SHISA9: variants seen among roughly 807,000 people sequenced by gnomAD.
SHISA9 encodes the protein shisa family member 9, also known as protein shisa-9.
A neutral mutation model predicts 38.0 loss-of-function variants in SHISA9; 13 were observed. That is an observed-to-expected ratio of 0.34 (90% CI 0.22 to 0.54). The LOEUF (loss-of-function observed/expected upper bound fraction) is 0.54, where lower values mean the gene tolerates loss of function less well. SHISA9 is among the 20% of genes least tolerant of loss of function. The probability of loss-of-function intolerance (pLI) is 0.91; values close to 1 mark genes in which losing one functional copy is unlikely to be tolerated. For synonymous variants in SHISA9, 275 were observed against 242.0 expected, an observed-to-expected ratio of 1.14 and a Z score of -1.27; for missense variants, 538 against 575.8, an observed-to-expected ratio of 0.93 and a Z score of 0.67.
At chr16:13,340,682 C>A in the SHISA9 span, among the ~76,000 whole-genome samples, 2 of 152,202 alleles carry the variant, frequency 1.3e-5, no homozygotes, top group Non-Finnish European at 2.9e-5. Context: ...CTGTGGCTCC[C>A]TATTGCTCTT....
the SHISA9 span, among the ~76,000 whole-genome samples, chr16:13,388,310 A>ATTTT: frequency 3.1e-4 from 44 of 140,338 alleles, no homozygotes; most frequent in African/African-American, 7.1e-4. Flanking sequence ...AATTTGGGGA[A>ATTTT]TTTTTTTTTT....
chr16:13,175,201 T>G (rs2050721069), intron 2 of SHISA9, among the ~76,000 whole-genome samples: 1 of 147,536 alleles, frequency 6.8e-6, no homozygotes, highest in African/African-American at 2.5e-5. Context: ...ACCCCGTCTC[T>G]CCAAAAAAAA....
intron 4 of SHISA9, among the ~76,000 whole-genome samples, chr16:13,215,084 G>C (rs950032102): frequency 1.3e-5 from 2 of 152,176 alleles, no homozygotes; most frequent in Non-Finnish European, 2.9e-5. Context: ...GAGGTGGGTA[G>C]AGGATGGAGA....
At chr16:12,938,961 T>C (rs77307580) in intron 2 of SHISA9, among the ~76,000 whole-genome samples, 2 of 152,196 alleles carry the variant, frequency 1.3e-5, no homozygotes, top group African/African-American at 2.4e-5. Flanking sequence ...ATGTTCCAAG[T>C]AAGCATTGAG....
chr16:13,234,633 T>C (rs1201446978), intron 4 of SHISA9, among the ~76,000 whole-genome samples: 2 of 152,196 alleles, frequency 1.3e-5, no homozygotes, highest in Non-Finnish European at 2.9e-5. Flanking sequence ...TGGTAGGTCA[T>C]AGATAGGAAG....
intron 2 of SHISA9, among the ~76,000 whole-genome samples, chr16:13,114,299 C>T (rs897470638): frequency 2.0e-5 from 3 of 151,364 alleles, no homozygotes; most frequent in Non-Finnish European, 4.4e-5. Context: ...ACCCCATCTC[C>T]ACTAAAAATA....
the SHISA9 span, among the ~76,000 whole-genome samples, chr16:13,401,667 G>T: frequency 5.9e-5 from 9 of 152,308 alleles, no homozygotes; most frequent in African/African-American, 2.2e-4. Context: ...CCATCTACAA[G>T]ACAGGAAGAG....
At chr16:13,127,549 TGGAAG>T (rs1244625254) in intron 2 of SHISA9, among the ~76,000 whole-genome samples, 2 of 150,932 alleles carry the variant, frequency 1.3e-5, no homozygotes, top group East Asian at 3.9e-4. Context: ...AAGCGGAACT[TGGAAG>T]GGAAGGAGAC....
chr16:13,138,911 T>G (rs773938656), intron 2 of SHISA9, among the ~76,000 whole-genome samples: 10 of 152,330 alleles, frequency 6.6e-5, no homozygotes, highest in Non-Finnish European at 1.0e-4. Flanking sequence ...TTACCTTTGC[T>G]TTTTGATTCA....
intron 2 of SHISA9, among the ~76,000 whole-genome samples, chr16:13,188,508 A>G (rs2050850545): frequency 6.6e-6 from 1 of 152,114 alleles, no homozygotes; most frequent in Non-Finnish European, 1.5e-5. Flanking sequence ...GCTTGAGCCT[A>G]GGAGTTCGAG....
the SHISA9 span, among the ~76,000 whole-genome samples, chr16:13,392,100 GAAAGGTATCTTCACCCCTGGGAGT>G: frequency 1.3e-5 from 2 of 152,108 alleles, no homozygotes; most frequent in South Asian, 2.1e-4. Flanking sequence ...TTCCTGGGAG[GAAAGGTATCTTCACCCCTGGGAGT>G]AAAGGTACCT....
At chr16:13,043,270 A>G (rs1304878410) in intron 2 of SHISA9, among the ~76,000 whole-genome samples, 1 of 152,188 alleles carries the variant, frequency 6.6e-6, no homozygotes, top group Non-Finnish European at 1.5e-5. Context: ...AAGTGGATAT[A>G]TCAGTTCCAT....
intron 2 of SHISA9, among the ~76,000 whole-genome samples, chr16:12,986,640 G>C (rs1317387673): frequency 6.6e-6 from 1 of 152,168 alleles, no homozygotes; most frequent in Non-Finnish European, 1.5e-5. Flanking sequence ...CAGGGAATCA[G>C]ACTGTCTTTC....
At chr16:13,323,376 C>A in the SHISA9 span, among the ~76,000 whole-genome samples, 1 of 152,078 alleles carries the variant, frequency 6.6e-6, no homozygotes, top group Non-Finnish European at 1.5e-5. Context: ...GTGACAGAAT[C>A]CTCAGTCATT....
chr16:13,472,719 CTCTTTTA>C, the SHISA9 span, among the ~76,000 whole-genome samples: 1 of 152,088 alleles, frequency 6.6e-6, no homozygotes, highest in Non-Finnish European at 1.5e-5. Context: ...ATGATCTTTT[CTCTTTTA>C]ATTTCATTTT....
Position 13,186,890 on chromosome 16 carries a change from C to T in SHISA9, c.692-16504C>T, listed in dbSNP as rs376502321. Among the ~76,000 whole-genome samples, 110 of 152,314 alleles carry T rather than the reference C, an allele frequency of 7.2e-4. 1 individual carries two copies. The South Asian group carries it at 0.021, about 28-fold the overall frequency. ...TTGTCAAGATTTGTTCATATCATGG[C>T]ATGGGTCAGAGCTTCCCTCCTTTTA... On this transcript the variant is annotated intron_variant, in intron 2 of 4. Transcript: ENST00000558583.
chr16:13,528,521 G>A, the SHISA9 span, among the ~76,000 whole-genome samples: 1 of 152,012 alleles, frequency 6.6e-6, no homozygotes. Context: ...AATTCATCAA[G>A]ATCCTCATTA....
chr16:13,524,535 C>T, the SHISA9 span, among the ~76,000 whole-genome samples: 50 of 152,194 alleles, frequency 3.3e-4, no homozygotes, highest in African/African-American at 7.7e-4. Context: ...TGTTTCTCAA[C>T]CTCAGGACAA....
chr16:13,290,897 C>A, the SHISA9 span, among the ~76,000 whole-genome samples: 1 of 152,138 alleles, frequency 6.6e-6, no homozygotes, highest in Non-Finnish European at 1.5e-5. Flanking sequence ...GTTGACTGGG[C>A]CGGGACTAGA....
Sources: allele counts gnomAD v4.1 joint callset (sites outside exome capture counted in the v4.1 genomes callset), GRCh38; gene constraint gnomAD v4.1.1; transcripts MANE v1.5; gene names NCBI Gene and HGNC (gene_info 2026-07-23, HGNC 2026-07-21).